The following NLRP6 variants were observed in gnomAD, a reference collection of about 807,000 sequenced individuals.
NLRP6 encodes NLR family pyrin domain containing 6, also known as NACHT, LRR and PYD domains-containing protein 6.
A neutral mutation model predicts 70.9 loss-of-function variants in NLRP6; 55 were observed. The ratio of observed to expected loss-of-function variants is 0.78; its 90% CI spans 0.62 to 0.97. NLRP6 has a LOEUF of 0.97. Ranked by LOEUF, NLRP6 falls within the 50% of genes least tolerant of loss-of-function variation. The pLI, the probability that NLRP6 is intolerant of heterozygous loss-of-function variation, is 0.00. For missense variants in NLRP6, 1,241 were observed against 1,238.3 expected, an observed-to-expected ratio of 1.00 and a Z score of -0.03; for synonymous variants, 652 against 581.9, an observed-to-expected ratio of 1.12 and a Z score of -1.73.
At chr11:284,441 A>G (rs1845527114) in intron 6 of NLRP6, 34 bp from the exon 7 acceptor site, 1 of 1,602,866 alleles carries the variant, frequency 6.2e-7, no homozygotes, top group African/African-American at 1.3e-5. Context: ...TGCCCCCGCC[A>G]CCCCAGCAGC....
rs1035005411 is a variant in NLRP6, at chr11:279,453, G to A, written c.156G>A (p.Pro52=). The A allele has an allele frequency of 2.1e-6, 3 of 1,404,216 alleles. No homozygotes were observed. Among genetic ancestry groups the A allele is most frequent in the Non-Finnish European group, 2.8e-6 (3 of 1,081,346 alleles). The allele number at this position is 1,404,216 out of a possible 1,614,324, so 87.0% of individuals were successfully genotyped here. A position where few individuals can be genotyped will look rare whatever the true frequency, so the allele number is the denominator to read the frequency against. ...TGGGCCCGGACGGACGCAGCATCCC[G>A]TGGGGGCGGCTGGAGCGCGCGGACG... The part of the protein sequence containing the change: ...RDVGPDGRSI[P]WGRLERADAV... Residue 52 remains proline, a synonymous_variant, in exon 2 of 8, where the codon CCG becomes CCA. Coordinates refer to ENST00000534750, the MANE Select transcript of NLRP6 (RefSeq NM_001276700.2).
chr11:280,835 G>A lies in NLRP6; in HGVS notation c.1101G>A (p.Arg367=), dbSNP rs771774298. Residue 367 remains arginine (R), a synonymous_variant, in exon 4 of 8, where the codon AGG becomes AGA. Coordinates refer to ENST00000534750, the MANE Select transcript of NLRP6 (RefSeq NM_001276700.2). The stretch of plus-strand genomic sequence containing the variant: ...ACAAGTATTTCCGGGATGAGAGGAG[G>A]GCCGAGCGCGCCTACCGCTTCGTGA... The part of the protein sequence containing the change: ...YFYKYFRDER[R]AERAYRFVKE... 17 of 1,613,114 alleles carry A rather than the reference G, an allele frequency of 1.1e-5. No homozygotes were observed. The highest frequency in any genetic ancestry group is 2.2e-5 in the South Asian group (2 of 91,092).
Position 284,341 on chromosome 11 carries a change from G to A in NLRP6, c.2310G>A (p.Ala770=), listed in dbSNP as rs7108246. ...TCCTCCACAACAGGCTCAGTGAGGC[G>A]GGACTGCGTATGCTGAGTGAGGGCC... is the stretch of plus-strand genomic sequence containing the variant. ...LGLLHNRLSE[A]GLRMLSEGLA... The change falls in exon 6 of 8, where the codon GCG becomes GCA. Residue 770 remains alanine (A), a synonymous_variant. Coordinates refer to ENST00000534750, the MANE Select transcript of NLRP6 (RefSeq NM_001276700.2). 0.058 allele frequency: 93,876 copies of A among 1,610,702 alleles called. 3,156 individuals carry two copies. Among genetic ancestry groups the A allele is most frequent in the Non-Finnish European group, 0.069 (81,135 of 1,179,068 alleles).
In NLRP6 at chr11:278,710, C is replaced by G. The variant is rs1161208907; in HGVS notation, c.29+112C>G. ...TCTCCACCCTTGTCCACATCCTTCC[C>G]CCACCCTCACTCCCAGGCTCAGGAG... is the stretch of plus-strand genomic sequence containing the variant. On this transcript the variant is annotated intron_variant, in intron 1 of 7. Transcript: ENST00000534750. The surrounding 1 kb of genome is among the most constrained non-coding windows in gnomAD (Gnocchi z 4.7). 4.1e-6 allele frequency: 3 copies of G among 736,342 alleles called. No individual in the cohort carries two copies. Among genetic ancestry groups the G allele is most frequent in the African/African-American group, 1.8e-5 (1 of 54,314 alleles). The allele number at this position is 736,342 out of a possible 1,614,324, so 45.6% of individuals were successfully genotyped here. A position where few individuals can be genotyped will look rare whatever the true frequency, so the allele number is the denominator to read the frequency against.
chr11:279,265 C>CGGGGGGGGG, intron 1 of NLRP6, 62 bp from the exon 2 acceptor site: 11 of 1,202,536 alleles, frequency 9.1e-6, no homozygotes, highest in Admixed American at 4.3e-5. Flanking sequence ...GCGCCAGAGT[C>CGGGGGGGGG]GGGGGCGGGC....
In NLRP6 at chr11:281,488, G is replaced by T. The variant is rs1254121433; in HGVS notation, c.1754G>T (p.Gly585Val). 4.4e-5 allele frequency: 70 copies of T among 1,597,584 alleles called. No individual in the cohort carries two copies. The highest frequency in any genetic ancestry group is 5.8e-5 in the Non-Finnish European group (68 of 1,170,546). ...ALRWVQGQGQGCPGVAPEVTE... is the reference protein window; with the variant it reads ...ALRWVQGQGQVCPGVAPEVTE... ...CGGTGGGTGCAGGGACAGGGACAGG[G>T]CTGCCCCGGAGTGGCACCAGAGGTG... is the stretch of plus-strand genomic sequence containing the variant. The change falls in exon 4 of 8, where the codon GGC becomes GTC. Residue 585 changes from glycine to valine, a missense_variant. Gly to Val is a moderately radical substitution (Grantham distance 109, BLOSUM62 -3). Coordinates refer to ENST00000534750, the MANE Select transcript of NLRP6 (RefSeq NM_001276700.2).
chr11:285,341 C>T lies in NLRP6; in HGVS notation c.*37C>T. 1 of 1,597,154 alleles carries T rather than the reference C, an allele frequency of 6.3e-7. No individual in the cohort carries two copies. Among genetic ancestry groups the T allele is most frequent in the Middle Eastern group, 1.7e-4 (1 of 6,042 alleles). ...CCAGAGCAGGGTGGAAGACCCTAGT[C>T]AAAGTCCCTGTGGAGAGAACGGCCC... On this transcript the variant is annotated 3_prime_UTR_variant, in exon 8 of 8. Transcript: ENST00000534750.
chr11:284,586 G>A lies in NLRP6; in HGVS notation c.2481G>A (p.Met827Ile), dbSNP rs774449128. 1 of 1,611,968 alleles carries A rather than the reference G, an allele frequency of 6.2e-7. No individual in the cohort carries two copies. The highest frequency in any genetic ancestry group is 1.1e-5 in the South Asian group (1 of 91,034). The change falls in exon 7 of 8, where the codon ATG becomes ATA. Residue 827 changes from methionine to isoleucine, a missense_variant. By Grantham distance (10) the Met-to-Ile change is conservative. Coordinates refer to ENST00000534750, the MANE Select transcript of NLRP6 (RefSeq NM_001276700.2). ...GCGGCTGCCAACTGCCCGCCCCCAT[G>A]GTGACCTACCTGTGTGCAGTCCTGC... is the stretch of plus-strand genomic sequence containing the variant. ...DLSGCQLPAP[M>I]VTYLCAVLQH... is the part of the protein sequence containing the mutation.
chr11:284,749 G>T (rs1033868032), intron 7 of NLRP6, 107 bp downstream of exon 7: 2 of 1,061,962 alleles, frequency 1.9e-6, no homozygotes, highest in South Asian at 3.1e-5. Context: ...CCCTCCCAGA[G>T]ACCTCCCATG....
In NLRP6 at chr11:279,130, C is replaced by T. The variant is rs1241914623; in HGVS notation, c.30-197C>T. 2.0e-5 allele frequency: 9 copies of T among 442,520 alleles called. No individual in the cohort carries two copies. In the East Asian group the frequency reaches 3.3e-4, roughly 16 times the overall value. 27.4% of individuals were successfully genotyped at this position (442,520 alleles called of 1,614,324 possible). ...CGAAGAACACCAAGACGCCCCGACCCGGGTCCGGGGACGGGGGAGGGAAAA... is the reference window on the plus strand; with the variant it reads ...CGAAGAACACCAAGACGCCCCGACCTGGGTCCGGGGACGGGGGAGGGAAAA... On this transcript the variant is annotated intron_variant, in intron 1 of 7. Coordinates refer to ENST00000534750, the MANE Select transcript of NLRP6 (RefSeq NM_001276700.2).
At position 278,945 on chromosome 11, in the gene NLRP6, G is replaced by T; in HGVS notation, c.29+347G>T. On this transcript the variant is annotated intron_variant, in intron 1 of 7. Coordinates refer to ENST00000534750, the MANE Select transcript of NLRP6 (RefSeq NM_001276700.2). This position sits in a 1 kb window ranked among gnomAD's most constrained non-coding sequence, Gnocchi z 4.7. ...GGAAGAGAGGGAAAAGAAGGAAAGC[G>T]AGGAAAGAGAGCTCAGGGTTCCTTG... 2.9e-6 allele frequency: 1 copy of T among 349,448 alleles called. No homozygotes were observed. The highest frequency in any genetic ancestry group is 5.2e-6 in the Non-Finnish European group (1 of 194,110). The allele number at this position is 349,448 out of a possible 1,614,324, so 21.6% of individuals were successfully genotyped here.
At position 281,569 on chromosome 11, in the gene NLRP6, G is replaced by A; in HGVS notation, c.1835G>A (p.Gly612Glu). The A allele has an allele frequency of 6.2e-7, 1 of 1,611,210 alleles. No homozygotes were observed. Among genetic ancestry groups the A allele is most frequent in the Non-Finnish European group, 8.5e-7 (1 of 1,178,770 alleles). The change falls in exon 4 of 8, where the codon GGA becomes GAA. Residue 612 changes from glycine to glutamate, a missense_variant. By Grantham distance (98) the Gly-to-Glu change is moderately conservative. Coordinates refer to ENST00000534750, the MANE Select transcript of NLRP6 (RefSeq NM_001276700.2). ...DTEEPEEEEE[G>E]EEPNYPLELL... ...GAAGAGCCAGAGGAGGAGGAGGAGG[G>A]AGAGGAGCCCAACTACCCACTGGAG...
rs1387206923 is a variant in NLRP6 at position 284,737 on chromosome 11, G to A, written c.2537+95G>A. The A allele has an allele frequency of 8.1e-6, 10 of 1,234,248 alleles. No homozygotes were observed. In the East Asian group the frequency reaches 1.5e-4, roughly 19 times the overall value. 76.5% of individuals were successfully genotyped at this position (1,234,248 alleles called of 1,614,324 possible). On this transcript the variant is annotated intron_variant, in intron 7 of 7. Transcript: ENST00000534750. ...GGCTCCCCCTGGACCCTGAAGAGGG[G>A]CCCCTCCCAGAGACCTCCCATGTGA... is the stretch of plus-strand genomic sequence containing the variant.
rs1845542317 is a variant in NLRP6, at chr11:285,250, C to T, written c.2622C>T (p.His874=). 3 of 1,607,458 alleles carry T rather than the reference C, an allele frequency of 1.9e-6. No homozygotes were observed. Among genetic ancestry groups the T allele is most frequent in the South Asian group, 1.1e-5 (1 of 89,728 alleles). The change falls in exon 8 of 8, where the codon CAC becomes CAT. Residue 874 remains histidine (H), a synonymous_variant. Transcript: ENST00000534750. ...CAAAGCCGGATCTGGTCATCACACA[C>T]CCAGCGCTGGACGGCCACCCACAAC... ...KRAKPDLVIT[H]PALDGHPQPP...
rs1158789641 is a variant in NLRP6, at chr11:284,414, T to G, written c.2369+14T>G. 3.1e-6 allele frequency: 5 copies of G among 1,599,810 alleles called. No homozygotes were observed. Among genetic ancestry groups the G allele is most frequent in the Non-Finnish European group, 4.3e-6 (5 of 1,170,756 alleles). On this transcript the variant is annotated intron_variant, in intron 6 of 7. Transcript: ENST00000534750. ...GCAGACGGTCAGGTGAGGCCTGGCC[T>G]GGGAGGGACCGTGGGATGCCCCCGC...
In NLRP6 at chr11:282,694, T is replaced by G; in HGVS notation, c.2106-11T>G. On this transcript the variant is annotated splice_polypyrimidine_tract_variant and intron_variant, in intron 4 of 7. Transcript: ENST00000534750. Reference sequence around the variant, plus strand: ...GCAGGGTGGGCTTCACCTTCCTCTCTCTCCCAGCAGTTCTCAAGGCACCAC... The same window carrying G: ...GCAGGGTGGGCTTCACCTTCCTCTCGCTCCCAGCAGTTCTCAAGGCACCAC... 3.1e-6 allele frequency: 5 copies of G among 1,610,154 alleles called. No homozygotes were observed. The highest frequency in any genetic ancestry group is 4.3e-6 in the Non-Finnish European group (5 of 1,176,430).
chr11:279,027 A>G, intron 1 of NLRP6: 1 of 359,730 alleles, frequency 2.8e-6, no homozygotes. Flanking sequence ...ACAGAAGCAG[A>G]AAGGGAGGTG....
rs1283252746 is a variant in NLRP6 at position 278,928 on chromosome 11, G to A, written c.29+330G>A. The A allele has an allele frequency of 1.7e-5, 6 of 357,506 alleles. No homozygotes were observed. The highest frequency in any genetic ancestry group is 3.0e-5 in the Non-Finnish European group (6 of 199,180). The allele number at this position is 357,506 out of a possible 1,614,324, so 22.1% of individuals were successfully genotyped here. A position where few individuals can be genotyped will look rare whatever the true frequency, so the allele number is the denominator to read the frequency against. The stretch of plus-strand genomic sequence containing the variant: ...GTTCTGCTCCGGGATCGGGAAGAGA[G>A]GGAAAAGAAGGAAAGCGAGGAAAGA... On this transcript the variant is annotated intron_variant, in intron 1 of 7. Coordinates refer to ENST00000534750, the MANE Select transcript of NLRP6 (RefSeq NM_001276700.2). This position sits in a 1 kb window ranked among gnomAD's most constrained non-coding sequence, Gnocchi z 4.7.
chr11:280,117 AGCTGCAC>A lies in NLRP6; in HGVS notation c.387_393del (p.His130GlyfsTer2), dbSNP rs948983571. ...AAGAAGTACCGGGAGCACGTGCTGC[AGCTGCAC>A]GCTCGGGTGAAGGAGAGGAACGCCC... On this transcript the variant is annotated frameshift_variant, in exon 4 of 8. Transcript: ENST00000534750. LOFTEE classifies it high-confidence loss of function. 6.5e-7 allele frequency: 1 copy of A among 1,530,868 alleles called. No homozygotes were observed. The highest frequency in any genetic ancestry group is 1.4e-5 in the African/African-American group (1 of 70,832). 94.8% of individuals were successfully genotyped at this position (1,530,868 alleles called of 1,614,324 possible).
Sources: allele counts gnomAD v4.1 joint callset, GRCh38; gene constraint gnomAD v4.1.1; non-coding constraint Gnocchi (gnomAD v3.1); transcripts MANE v1.5; gene names NCBI Gene and HGNC (gene_info 2026-07-23, HGNC 2026-07-21).